HMCN1: variants seen among roughly 807,000 people sequenced by gnomAD.
The protein encoded by HMCN1 is hemicentin 1, also known as hemicentin-1.
In HMCN1, 321 loss-of-function variants were observed where a neutral mutation model predicts 625.9. The ratio of observed to expected loss-of-function variants is 0.51; its 90% confidence interval spans 0.47 to 0.56. HMCN1 has a LOEUF of 0.56. HMCN1 is among the 20% of genes least tolerant of loss of function. The pLI, the probability that HMCN1 is intolerant of heterozygous loss-of-function variation, is 0.00. For synonymous variants in HMCN1, 2,425 were observed against 2,417.6 expected (o/e 1.00, Z -0.09); for missense variants, 6,588 against 6,887.3 (o/e 0.96, Z 1.54).
At position 185,933,769 on chromosome 1, in the gene HMCN1, T is replaced by C. The variant is rs1667679185; in HGVS notation, c.1773T>C (p.Cys591=). The C allele has an allele frequency of 1.2e-6, 2 of 1,613,802 alleles. No individual in the cohort carries two copies. Among genetic ancestry groups the C allele is most frequent in the East Asian group, 2.2e-5 (1 of 44,874 alleles). The change falls in exon 11 of 107, where the codon TGT becomes TGC. Residue 591 remains cysteine (C), a synonymous_variant. Coordinates refer to ENST00000271588, the MANE Select transcript of HMCN1 (RefSeq NM_031935.3). Reference sequence around the variant, plus strand: ...TCAACGATGCTGGAGAGTATCATTGTATGGTTTCTAGTGAAGGTGGATCAT... The same window carrying C: ...TCAACGATGCTGGAGAGTATCATTGCATGGTTTCTAGTGAAGGTGGATCAT... The part of the protein sequence containing the change: ...VKFNDAGEYH[C]MVSSEGGSSA...
Position 186,048,836 on chromosome 1 carries a change from T to C in HMCN1, c.6574T>C (p.Trp2192Arg), listed in dbSNP as rs749328052. 6.3e-7 allele frequency: 1 copy of C among 1,595,724 alleles called. No homozygotes were observed. The highest frequency in any genetic ancestry group is 8.6e-7 in the Non-Finnish European group (1 of 1,164,630). The part of the protein sequence containing the change: ...KTEKNYNVNI[W>R]VPPNIGGSDE... ...TGAAAAAAACTACAATGTCAACATTTGGGGTAAGTGTAATCAGCTCTTGAA... is the reference window on the plus strand; with the variant it reads ...TGAAAAAAACTACAATGTCAACATTCGGGGTAAGTGTAATCAGCTCTTGAA... Residue 2192 changes from tryptophan to arginine, a missense_variant, in exon 42 of 107, where the codon TGG (tryptophan) becomes CGG (arginine). By Grantham distance (101) the Trp-to-Arg change is moderately radical. Transcript: ENST00000271588.
intron 46 of HMCN1, 68 bp from the exon 47 acceptor site, chr1:186,061,783 A>T: frequency 9.7e-7 from 1 of 1,030,398 alleles, no homozygotes; most frequent in Non-Finnish European, 1.5e-6. Context: ...ATTGAGCATC[A>T]CTTGGATGGC....
At chr1:186,080,537 G>A (rs1659104432) in intron 55 of HMCN1, among the ~76,000 whole-genome samples, 1 of 152,132 alleles carries the variant, frequency 6.6e-6, no homozygotes, top group Admixed American at 6.6e-5. Flanking sequence ...AACACATGTA[G>A]AAAAATCTAG....
intron 25 of HMCN1, among the ~76,000 whole-genome samples, 154 bp downstream of exon 25, chr1:185,997,678 C>G (rs947296233): frequency 6.6e-6 from 1 of 152,128 alleles, no homozygotes; most frequent in Non-Finnish European, 1.5e-5. Flanking sequence ...CAGATAACAG[C>G]TCTTTGAATA....
chr1:185,929,173 T>C lies in HMCN1; in HGVS notation c.1552+506T>C, dbSNP rs114322722. Among the ~76,000 whole-genome samples, 790 of 152,270 alleles carry C rather than the reference T, an allele frequency of 5.2e-3. 6 individuals carry two copies. Among genetic ancestry groups the C allele is most frequent in the Middle Eastern group, 0.041 (12 of 292 alleles). On this transcript the variant is annotated intron_variant, in intron 10 of 106. Coordinates refer to ENST00000271588, the MANE Select transcript of HMCN1 (RefSeq NM_031935.3). ...CCCTTTTCCTCTTCCATATTCATAA[T>C]GAGCAGAGCACTTTTATGAATAGAT...
In HMCN1 at chr1:186,117,463, A is replaced by G. The variant is rs1232848064; in HGVS notation, c.11688A>G (p.Pro3896=). ...TTGTTGTTGTTGTTGTTTTAGTTCC[A>G]CCTTCCATAGCTGATGAGCCTACAG... ...KRTVDLTVQV[P]PSIADEPTDF... Residue 3896 remains proline, a synonymous_variant, in exon 77 of 107, where the codon CCA becomes CCG. Coordinates refer to ENST00000271588, the MANE Select transcript of HMCN1 (RefSeq NM_031935.3). The G allele has an allele frequency of 1.9e-6, 3 of 1,613,480 alleles. No homozygotes were observed. The highest frequency in any genetic ancestry group is 2.5e-6 in the Non-Finnish European group (3 of 1,179,730).
Position 186,087,560 on chromosome 1 carries a change from G to C in HMCN1, c.9278G>C (p.Trp3093Ser). ...GCTGTGCCACCTCCAGTCATCACTT[G>C]GTATAAGAATGGGCGGATGATAACA... ...SNAVPPPVIT[W>S]YKNGRMITES... The change falls in exon 60 of 107, where the codon TGG becomes TCG. Residue 3093 changes from tryptophan (W) to serine (S), a missense_variant. Physicochemically the swap from Trp to Ser is radical, Grantham distance 177. Transcript: ENST00000271588. 1 of 1,613,200 alleles carries C rather than the reference G, an allele frequency of 6.2e-7. No homozygotes were observed.
intron 47 of HMCN1, 140 bp from the exon 48 acceptor site, chr1:186,062,374 C>T (rs1238360219): frequency 1.5e-6 from 1 of 678,994 alleles, no homozygotes; most frequent in African/African-American, 1.8e-5. Context: ...AATATTATGA[C>T]ATTCTAGCAA....
rs1342050790 is a variant in HMCN1, at chr1:186,117,050, C to A, written c.11618C>A (p.Thr3873Asn). ...IISPSVDDTA[T>N]YECTVTNGAG... The stretch of plus-strand genomic sequence containing the variant: ...TCCCCTTCTGTGGATGACACTGCAA[C>A]CTATGAATGTACTGTGACAAACGGT... The change falls in exon 76 of 107, where the codon ACC becomes AAC. Residue 3873 changes from threonine to asparagine, a missense_variant. Around this residue, in one of 3 missense-constraint regions of HMCN1, gnomAD observed 4,628 missense variants for 4,853.1 expected, o/e 0.95. Coordinates refer to ENST00000271588, the MANE Select transcript of HMCN1 (RefSeq NM_031935.3). The A allele has an allele frequency of 6.2e-7, 1 of 1,613,434 alleles. No individual in the cohort carries two copies. Among genetic ancestry groups the A allele is most frequent in the East Asian group, 2.2e-5 (1 of 44,852 alleles).
intron 11 of HMCN1, among the ~76,000 whole-genome samples, chr1:185,960,078 C>T (rs899449300): frequency 4.6e-5 from 7 of 151,132 alleles, no homozygotes; most frequent in Admixed American, 6.6e-5. Flanking sequence ...TAATTTTGCT[C>T]CTCTGTATTT....
chr1:186,106,806 T>C (rs570185686), intron 69 of HMCN1, 78 bp from the exon 70 acceptor site: 1 of 1,037,060 alleles, frequency 9.6e-7, no homozygotes, highest in South Asian at 1.3e-5. Context: ...GTTATTTACA[T>C]TCATTCTAGT....
chr1:186,031,789 G>A (rs1360172388), intron 36 of HMCN1, among the ~76,000 whole-genome samples: 1 of 151,662 alleles, frequency 6.6e-6, no homozygotes, highest in Non-Finnish European at 1.5e-5. Flanking sequence ...CTTCTTCCAG[G>A]TGTTGAGTTT....
intron 1 of HMCN1, among the ~76,000 whole-genome samples, chr1:185,812,998 A>G (rs1659622411): frequency 6.6e-6 from 1 of 152,122 alleles, no homozygotes; most frequent in African/African-American, 2.4e-5. Flanking sequence ...TCATGAGAGG[A>G]CTTCCTGATT....
chr1:185,909,542 A>C, intron 5 of HMCN1, 34 bp downstream of exon 5: 1 of 1,561,646 alleles, frequency 6.4e-7, no homozygotes, highest in Non-Finnish European at 8.8e-7. Context: ...AATAAAATAC[A>C]AAATACATAG....
chr1:186,000,823 C>T (rs1017955588), intron 26 of HMCN1, among the ~76,000 whole-genome samples: 5 of 151,560 alleles, frequency 3.3e-5, no homozygotes, highest in Admixed American at 6.6e-5. Context: ...TAATGATGAG[C>T]GTGTAGGTTA....
intron 97 of HMCN1, among the ~76,000 whole-genome samples, chr1:186,164,639 A>T (rs1651761475): frequency 6.6e-6 from 1 of 152,168 alleles, no homozygotes; most frequent in Admixed American, 6.5e-5. Flanking sequence ...TTTGACCCAA[A>T]TGCTCAATAG....
At chr1:185,970,034 C>A (rs1650699430) in intron 14 of HMCN1, among the ~76,000 whole-genome samples, 1 of 152,158 alleles carries the variant, frequency 6.6e-6, no homozygotes, top group South Asian at 2.1e-4. Flanking sequence ...CTTCATTTCC[C>A]CACTCCCTTG....
At chr1:186,094,192 TA>T in intron 66 of HMCN1, 83 bp from the exon 67 acceptor site, 1 of 1,063,134 alleles carries the variant, frequency 9.4e-7, no homozygotes, top group South Asian at 1.3e-5. Flanking sequence ...TCACCACCTA[TA>T]GCCTATTTAT....
intron 38 of HMCN1, among the ~76,000 whole-genome samples, chr1:186,039,367 C>T (rs1656052909): frequency 1.3e-5 from 2 of 151,964 alleles, no homozygotes; most frequent in African/African-American, 2.4e-5. Flanking sequence ...AGTTAACATA[C>T]TACAGTGGAT....
Sources: allele counts gnomAD v4.1 joint callset (sites outside exome capture counted in the v4.1 genomes callset), GRCh38; gene constraint gnomAD v4.1.1; regional missense constraint gnomAD v4.1.1; transcripts MANE v1.5; gene names NCBI Gene and HGNC (gene_info 2026-07-23, HGNC 2026-07-21).